The following ACADSB variants were observed in gnomAD, a reference collection of about 807,000 sequenced individuals.
ACADSB encodes the protein acyl-CoA dehydrogenase short/branched chain.
ACADSB carries 40 observed loss-of-function variants against 54.1 expected under a neutral mutation model. That is an observed-to-expected ratio of 0.74 (90% CI 0.57 to 0.96). The LOEUF (loss-of-function observed/expected upper bound fraction) is 0.96. ACADSB is among the 40% of genes least tolerant of loss of function. The probability of loss-of-function intolerance (pLI) is 0.00; values close to 1 mark genes in which losing one functional copy is unlikely to be tolerated. For missense variants in ACADSB, 530 were observed against 510.4 expected, an observed-to-expected ratio of 1.04 and a Z score of -0.37; for synonymous variants, 182 against 182.8, an observed-to-expected ratio of 1.00 and a Z score of 0.03.
At chr10:123,033,234 T>C (rs539836441) in intron 1 of ACADSB, among the ~76,000 whole-genome samples, 47 of 152,280 alleles carry the variant, frequency 3.1e-4, no homozygotes, top group African/African-American at 1.1e-3. Context: ...GCATACCACT[T>C]TTCTTCTAAC....
intron 8 of ACADSB, among the ~76,000 whole-genome samples, chr10:123,047,884 A>G (rs1850580216): frequency 6.6e-6 from 1 of 152,186 alleles, no homozygotes; most frequent in Admixed American, 6.5e-5. Context: ...GCTGCATTAA[A>G]TACAAATGAG....
At chr10:123,039,935 G>A (rs1317863842) in intron 3 of ACADSB, among the ~76,000 whole-genome samples, 1 of 152,110 alleles carries the variant, frequency 6.6e-6, no homozygotes, top group Non-Finnish European at 1.5e-5. Context: ...GCAAATGATA[G>A]CATATAATTT....
At chr10:123,044,371 A>C in intron 6 of ACADSB, 22 bp from the exon 7 acceptor site, 2 of 1,539,214 alleles carry the variant, frequency 1.3e-6, no homozygotes, top group Non-Finnish European at 1.8e-6. Context: ...ACTGAGAAAT[A>C]AGTGCACATT....
At chr10:123,024,337 G>A (rs932896622) in intron 1 of ACADSB, among the ~76,000 whole-genome samples, 4 of 152,218 alleles carry the variant, frequency 2.6e-5, no homozygotes, top group East Asian at 3.8e-4. Context: ...GACCATAGCC[G>A]GAAATGATAG....
chr10:123,047,186 A>T, intron 7 of ACADSB, 23 bp from the exon 8 acceptor site: 1 of 1,527,816 alleles, frequency 6.5e-7, no homozygotes, highest in Non-Finnish European at 9.1e-7. Flanking sequence ...AGAAATTCTG[A>T]TCTTATTTTT....
intron 1 of ACADSB, among the ~76,000 whole-genome samples, chr10:123,026,187 A>G (rs1850249232): frequency 6.6e-6 from 1 of 152,260 alleles, no homozygotes; most frequent in Non-Finnish European, 1.5e-5. Flanking sequence ...TCTGAAAAAC[A>G]GAACTAATAA....
At chr10:123,033,822 T>A (rs986227253) in intron 1 of ACADSB, among the ~76,000 whole-genome samples, 2 of 152,180 alleles carry the variant, frequency 1.3e-5, no homozygotes, top group Non-Finnish European at 2.9e-5. Context: ...ATTTTCTTAA[T>A]TTTTATGCTG....
Position 123,054,118 on chromosome 10 carries a change from C to T in ACADSB, c.*353C>T, listed in dbSNP as rs1489194485. The stretch of plus-strand genomic sequence containing the variant: ...CTCAGCTCACTGCAGCCTTGACCTC[C>T]TGGGTTCCAGTGATTCTCATGCCTC... On this transcript the variant is annotated 3_prime_UTR_variant, in exon 11 of 11. Transcript: ENST00000358776. The T allele has an allele frequency of 3.7e-6, 1 of 271,302 alleles. No individual in the cohort carries two copies. Among genetic ancestry groups the T allele is most frequent in the Non-Finnish European group, 7.2e-6 (1 of 139,344 alleles). The allele number at this position is 271,302 out of a possible 1,614,324, so 16.8% of individuals were successfully genotyped here.
intron 1 of ACADSB, among the ~76,000 whole-genome samples, chr10:123,030,573 C>G (rs1480698364): frequency 6.6e-6 from 1 of 151,964 alleles, no homozygotes; most frequent in Non-Finnish European, 1.5e-5. Context: ...TTCTTTCTCC[C>G]CACAACCTTT....
chr10:123,040,209 G>T (rs1850451621), intron 3 of ACADSB, among the ~76,000 whole-genome samples: 1 of 151,648 alleles, frequency 6.6e-6, no homozygotes, highest in African/African-American at 2.4e-5. Flanking sequence ...AAATTAGCTG[G>T]GTGTGATGGT....
intron 8 of ACADSB, among the ~76,000 whole-genome samples, chr10:123,048,383 G>A (rs570484240): frequency 1.3e-5 from 2 of 152,190 alleles, no homozygotes; most frequent in East Asian, 3.9e-4. Context: ...GCACACGGAG[G>A]CTGAGTTCCC....
At chr10:123,029,352 A>C (rs573983778) in intron 1 of ACADSB, among the ~76,000 whole-genome samples, 2 of 152,038 alleles carry the variant, frequency 1.3e-5, no homozygotes, top group African/African-American at 4.8e-5. Flanking sequence ...TCTCAAAAAA[A>C]AAGAGAAGAA....
chr10:123,046,216 G>A (rs945227898), intron 7 of ACADSB, among the ~76,000 whole-genome samples: 1 of 152,076 alleles, frequency 6.6e-6, no homozygotes, highest in Non-Finnish European at 1.5e-5. Flanking sequence ...ATATTATTCT[G>A]TTCTCTAGAG....
chr10:123,054,114 C>T lies in ACADSB; in HGVS notation c.*349C>T, dbSNP rs1191383479. On this transcript the variant is annotated 3_prime_UTR_variant, in exon 11 of 11. Transcript: ENST00000358776. ...CGATCTCAGCTCACTGCAGCCTTGA[C>T]CTCCTGGGTTCCAGTGATTCTCATG... 3 of 277,418 alleles carry T rather than the reference C, an allele frequency of 1.1e-5. No homozygotes were observed. The highest frequency in any genetic ancestry group is 2.1e-5 in the Non-Finnish European group (3 of 142,988). The allele number at this position is 277,418 out of a possible 1,614,324, so 17.2% of individuals were successfully genotyped here. A position where few individuals can be genotyped will look rare whatever the true frequency, so the allele number is the denominator to read the frequency against.
At chr10:123,053,244 C>G in intron 10 of ACADSB, 84 bp downstream of exon 10, 1 of 1,173,210 alleles carries the variant, frequency 8.5e-7, no homozygotes, top group Non-Finnish European at 1.2e-6. Flanking sequence ...TCGTTTTTTT[C>G]CTAGGTAAAA....
At chr10:123,039,361 T>C in intron 3 of ACADSB, among the ~76,000 whole-genome samples, 1 of 152,252 alleles carries the variant, frequency 6.6e-6, no homozygotes, top group African/African-American at 2.4e-5. Context: ...ACTCCAGGAA[T>C]GTCTAGAGAG....
At position 123,040,408 on chromosome 10, in the gene ACADSB, G is replaced by A. The variant is rs1850454324; in HGVS notation, c.304-58G>A. 5.6e-6 allele frequency: 8 copies of A among 1,429,796 alleles called. No individual in the cohort carries two copies. The East Asian group carries it at 1.6e-4, about 28-fold the overall frequency. 88.6% of individuals were successfully genotyped at this position (1,429,796 alleles called of 1,614,324 possible). On this transcript the variant is annotated intron_variant, in intron 3 of 10. Transcript: ENST00000358776. ...TTTATTTTTTAACTTGTTCATGCAA[G>A]AAATTTCCCCATATAAAAATAGCTT...
chr10:123,034,077 T>C (rs1361465371), intron 1 of ACADSB, among the ~76,000 whole-genome samples: 1 of 152,246 alleles, frequency 6.6e-6, no homozygotes. Flanking sequence ...GTGAAATACA[T>C]TGGAGAATGA....
chr10:123,013,952 G>A (rs1850079196), intron 1 of ACADSB, among the ~76,000 whole-genome samples: 1 of 152,228 alleles, frequency 6.6e-6, no homozygotes, highest in African/African-American at 2.4e-5. Flanking sequence ...GGGCTCCCAC[G>A]GTGCAGCGGT....
Sources: gnomAD v4.1 joint callset for allele counts (sites outside exome capture counted in the v4.1 genomes callset) on GRCh38, gnomAD v4.1.1 for gene constraint, MANE v1.5 for transcripts, NCBI Gene and HGNC (gene_info 2026-07-23, HGNC 2026-07-21) for gene names.